Variants in TDP1 observed in about 807,000 individuals in gnomAD.
The protein encoded by TDP1 is tyr-DNA phosphodiesterase 1.
Under a neutral mutation model 81.5 loss-of-function variants are expected in TDP1, and 64 were observed. That is an observed-to-expected ratio of 0.79 (90% CI 0.64 to 0.97). TDP1 has a LOEUF of 0.97. Ranked by LOEUF, TDP1 falls within the 50% of genes least tolerant of loss-of-function variation. TDP1 has a pLI of 0.00. For missense variants in TDP1, 723 were observed against 743.8 expected, an observed-to-expected ratio of 0.97 and a Z score of 0.33; for synonymous variants, 256 against 264.3, an observed-to-expected ratio of 0.97 and a Z score of 0.30.
intron 14 of TDP1, among the ~76,000 whole-genome samples, chr14:89,994,780 G>A (rs1250280700): frequency 1.3e-5 from 2 of 152,210 alleles, no homozygotes; most frequent in African/African-American, 4.8e-5. Flanking sequence ...AAGTAAAGAG[G>A]TGCTATTGTA....
intron 16 of TDP1, among the ~76,000 whole-genome samples, chr14:90,041,175 A>G (rs555324778): frequency 1.3e-5 from 2 of 152,306 alleles, no homozygotes; most frequent in Admixed American, 6.5e-5. Context: ...ACAGGAAACG[A>G]TGGGTAAATA....
chr14:90,012,153 T>A (rs1884785557), intron 14 of TDP1, among the ~76,000 whole-genome samples: 1 of 152,194 alleles, frequency 6.6e-6, no homozygotes, highest in African/African-American at 2.4e-5. Context: ...CAAGCCTTGG[T>A]GGCTTACACA....
In TDP1 at chr14:89,955,981, G is replaced by C. The variant is rs1891521774; in HGVS notation, c.-231+11G>C. The C allele has an allele frequency of 6.6e-6, 1 of 152,570 alleles. No homozygotes were observed. The highest frequency in any genetic ancestry group is 1.5e-5 in the Non-Finnish European group (1 of 68,348). The allele number at this position is 152,570 out of a possible 1,614,324, so 9.5% of individuals were successfully genotyped here. On this transcript the variant is annotated intron_variant, in intron 1 of 16. Transcript: ENST00000335725. The stretch of plus-strand genomic sequence containing the variant: ...TTCTGTGCGCCTCAGGTACGTGTTG[G>C]GCGGCAGTGGGCGCGGACTCGGTGC...
At chr14:89,971,023 A>T (rs1893570279) in intron 5 of TDP1, 152 bp from the exon 6 acceptor site, 1 of 643,150 alleles carries the variant, frequency 1.6e-6, no homozygotes, top group African/African-American at 1.8e-5. Flanking sequence ...ATTAGTAGAG[A>T]CGGGGTTTCA....
At chr14:89,987,817 T>C (rs533323473) in intron 10 of TDP1, among the ~76,000 whole-genome samples, 2 of 152,250 alleles carry the variant, frequency 1.3e-5, no homozygotes, top group African/African-American at 2.4e-5. Context: ...TCTAAAGGTC[T>C]AAGTAGGAAG....
At chr14:89,964,921 C>T (rs1892762780) in intron 3 of TDP1, 4 of 422,838 alleles carry the variant, frequency 9.5e-6, no homozygotes, top group Admixed American at 5.8e-5. Flanking sequence ...TAGAAAAGTG[C>T]CCAAGGTCGT....
chr14:90,033,695 A>G (rs973014603), intron 16 of TDP1: 3 of 185,808 alleles, frequency 1.6e-5, no homozygotes, highest in Non-Finnish European at 3.5e-5. Context: ...TCACACCATC[A>G]TAAAGGTCAA....
intron 10 of TDP1, among the ~76,000 whole-genome samples, chr14:89,985,777 C>T (rs1009280752): frequency 7.9e-5 from 12 of 152,050 alleles, no homozygotes; most frequent in African/African-American, 2.7e-4. Flanking sequence ...GCCTGTAATC[C>T]CAGCATTTTG....
In TDP1 at chr14:89,984,617, C is replaced by T. The variant is rs1001526427; in HGVS notation, c.986C>T (p.Ala329Val). Residue 329 changes from alanine (A) to valine (V), a missense_variant, in exon 9 of 17, where the codon GCT becomes GTT. Transcript: ENST00000335725. ...FKADLISYLM[A>V]YNAPSLKEWI... ...GCTGATCTCATCAGTTACTTGATGG[C>T]TTATAATGCCCCTTCTCTCAAGGAG... 6.2e-7 allele frequency: 1 copy of T among 1,613,972 alleles called. No homozygotes were observed. The highest frequency in any genetic ancestry group is 1.7e-5 in the Admixed American group (1 of 60,006).
At position 90,043,568 on chromosome 14, in the gene TDP1, C is replaced by A; in HGVS notation, c.*425C>A. The A allele has an allele frequency of 5.1e-6, 1 of 197,002 alleles. No homozygotes were observed. The highest frequency in any genetic ancestry group is 1.0e-5 in the Non-Finnish European group (1 of 95,692). 12.2% of individuals were successfully genotyped at this position (197,002 alleles called of 1,614,324 possible). A position where few individuals can be genotyped will look rare whatever the true frequency, so the allele number is the denominator to read the frequency against. On this transcript the variant is annotated 3_prime_UTR_variant, in exon 17 of 17. Transcript: ENST00000335725. ...TTCATATACACCTTATATACAATAA[C>A]CTAAAGGTGATTTTATATGATATTT...
chr14:90,012,349 A>G (rs1020259429), intron 14 of TDP1, among the ~76,000 whole-genome samples: 1 of 151,936 alleles, frequency 6.6e-6, no homozygotes, highest in Non-Finnish European at 1.5e-5. Flanking sequence ...TGAATCTACA[A>G]TTCTGCAATC....
At chr14:90,015,187 TG>T (rs1370021481) in intron 14 of TDP1, among the ~76,000 whole-genome samples, 1 of 152,088 alleles carries the variant, frequency 6.6e-6, no homozygotes, top group African/African-American at 2.4e-5. Context: ...TCACAGCTAA[TG>T]GGGAAGCTGA....
chr14:90,024,774 A>G (rs963884627), intron 15 of TDP1, among the ~76,000 whole-genome samples: 1 of 152,206 alleles, frequency 6.6e-6, no homozygotes, highest in Non-Finnish European at 1.5e-5. Context: ...ATAATCCTAA[A>G]ATGTTTACTG....
chr14:90,024,025 C>T lies in TDP1; in HGVS notation c.1644+4607C>T, dbSNP rs1886377553. Among the ~76,000 whole-genome samples, 3 of 152,168 alleles carry T rather than the reference C, an allele frequency of 2.0e-5. No individual in the cohort carries two copies. In the South Asian group the frequency reaches 6.2e-4, roughly 32 times the overall value. On this transcript the variant is annotated intron_variant, in intron 15 of 16. Coordinates refer to ENST00000335725, the MANE Select transcript of TDP1 (RefSeq NM_018319.4). ...CACATGCTGGGCGAATCAGCTGTTA[C>T]TGCCATGGCCCCCACTTCACCTCCC...
intron 14 of TDP1, among the ~76,000 whole-genome samples, chr14:89,996,974 GTAAT>G (rs1263183958): frequency 2.0e-5 from 3 of 152,362 alleles, no homozygotes; most frequent in South Asian, 4.1e-4. Flanking sequence ...CAAGAATAGA[GTAAT>G]TAAGATGAGG....
chr14:90,032,908 C>T, intron 15 of TDP1, 198 bp from the exon 16 acceptor site: 1 of 957,454 alleles, frequency 1.0e-6, no homozygotes. Context: ...AATTAAAGCT[C>T]TTATGTTTAG....
At position 89,973,658 on chromosome 14, in the gene TDP1, C is replaced by T. The variant is rs958633771; in HGVS notation, c.757-2123C>T. 2.6e-4 allele frequency among the ~76,000 whole-genome samples: 39 copies of T among 152,306 alleles called. 1 individual carries two copies. Among genetic ancestry groups the T allele is most frequent in the African/African-American group, 9.4e-4 (39 of 41,562 alleles). ...TGCAAATGTGGGACCTAAGGGCAGA[C>T]ATTGAGACCTTGTGGTGGTCAGAGT... On this transcript the variant is annotated intron_variant, in intron 6 of 16. Transcript: ENST00000335725.
In TDP1 at chr14:90,023,203, T is replaced by C. The variant is rs1322083574; in HGVS notation, c.1644+3785T>C. On this transcript the variant is annotated intron_variant, in intron 15 of 16. Transcript: ENST00000335725. ...GACCATGTGGTCTGCCCGGGGGGCT[T>C]GGGAAAGGCTTTGTTAAGGAGGTGG... 1.9e-5 allele frequency: 13 copies of C among 669,448 alleles called. No homozygotes were observed. In the African/African-American group the frequency reaches 2.3e-4, roughly 12 times the overall value. 41.5% of individuals were successfully genotyped at this position (669,448 alleles called of 1,614,324 possible).
At chr14:89,991,381 A>G (rs1355340261) in intron 12 of TDP1, 3 of 172,426 alleles carry the variant, frequency 1.7e-5, no homozygotes, top group East Asian at 3.8e-4. Flanking sequence ...AGTTATTTGC[A>G]GTTGAAGCTT....
Sources: allele counts gnomAD v4.1 joint callset (sites outside exome capture counted in the v4.1 genomes callset), GRCh38; gene constraint gnomAD v4.1.1; transcripts MANE v1.5; gene names NCBI Gene and HGNC (gene_info 2026-07-23, HGNC 2026-07-21).